Variants in MAML3 observed in about 807,000 individuals in gnomAD.
The protein encoded by MAML3 is mastermind-like protein 3.
In MAML3, 27 loss-of-function variants were observed where a neutral mutation model predicts 101.9. That is an observed-to-expected ratio of 0.27 (90% CI 0.20 to 0.37). The LOEUF is 0.37. Ranked by LOEUF, MAML3 falls within the 10% of genes least tolerant of loss-of-function variation. The pLI, the probability that MAML3 is intolerant of heterozygous loss-of-function variation, is 1.00. For synonymous variants in MAML3, 501 were observed against 555.9 expected (o/e 0.90, Z 1.39); for missense variants, 1,316 against 1,444.9 (o/e 0.91, Z 1.45).
intron 2 of MAML3, among the ~76,000 whole-genome samples, chr4:139,839,973 T>C (rs1731331614): frequency 6.6e-6 from 1 of 152,180 alleles, no homozygotes; most frequent in Non-Finnish European, 1.5e-5. Context: ...GAGCATATAA[T>C]TATTCTGTGT....
intron 1 of MAML3, among the ~76,000 whole-genome samples, chr4:140,119,914 A>G (rs1184745297): frequency 6.6e-6 from 1 of 152,144 alleles, no homozygotes; most frequent in African/African-American, 2.4e-5. Context: ...GAGAGTTCCA[A>G]TCACAATCAA....
At chr4:139,846,877 AG>A (rs1219633394) in intron 2 of MAML3, among the ~76,000 whole-genome samples, 1 of 152,212 alleles carries the variant, frequency 6.6e-6, no homozygotes, top group Non-Finnish European at 1.5e-5. Context: ...TGTTTTCCCC[AG>A]TGAGGCCATG....
intron 1 of MAML3, among the ~76,000 whole-genome samples, chr4:140,021,596 T>TTC (rs1332077793): frequency 6.6e-6 from 1 of 151,738 alleles, no homozygotes; most frequent in African/African-American, 2.4e-5. Context: ...TTTTTTTCCT[T>TTC]ATTTTTAAAA....
chr4:140,028,059 T>C (rs1415446446), intron 1 of MAML3, among the ~76,000 whole-genome samples: 1 of 152,232 alleles, frequency 6.6e-6, no homozygotes, highest in Non-Finnish European at 1.5e-5. Flanking sequence ...AACAAATGTT[T>C]ATGGAATACT....
At chr4:140,063,535 C>T (rs1401755792) in intron 1 of MAML3, among the ~76,000 whole-genome samples, 4 of 152,232 alleles carry the variant, frequency 2.6e-5, no homozygotes, top group African/African-American at 9.6e-5. Context: ...ACCTGGTCCA[C>T]ATTTTGGGTA....
intron 2 of MAML3, among the ~76,000 whole-genome samples, chr4:139,801,403 C>T (rs1730601149): frequency 6.6e-6 from 1 of 152,126 alleles, no homozygotes; most frequent in South Asian, 2.1e-4. Flanking sequence ...GACAAGGAAA[C>T]TTCTGACAGG....
chr4:139,943,042 A>C (rs1733636471), intron 1 of MAML3, among the ~76,000 whole-genome samples: 1 of 152,244 alleles, frequency 6.6e-6, no homozygotes, highest in Non-Finnish European at 1.5e-5. Context: ...GTACGATCAA[A>C]ATTTATTTCA....
At chr4:140,049,670 T>TG (rs1304446818) in intron 1 of MAML3, among the ~76,000 whole-genome samples, 6 of 125,210 alleles carry the variant, frequency 4.8e-5, no homozygotes, top group Non-Finnish European at 7.0e-5. Flanking sequence ...CATGTTGCCT[T>TG]CCTTTTTTTT....
chr4:139,949,013 T>A (rs1733785592), intron 1 of MAML3, among the ~76,000 whole-genome samples: 1 of 152,108 alleles, frequency 6.6e-6, no homozygotes, highest in Non-Finnish European at 1.5e-5. Context: ...GTAGAAATTT[T>A]TTTTTTCTTT....
chr4:139,989,630 AC>A (rs1734620629), intron 1 of MAML3, among the ~76,000 whole-genome samples: 2 of 151,902 alleles, frequency 1.3e-5, no homozygotes, highest in Non-Finnish European at 2.9e-5. Context: ...CACATGCAAC[AC>A]CAAGCCATTG....
At chr4:139,963,105 G>A (rs1260480218) in intron 1 of MAML3, among the ~76,000 whole-genome samples, 1 of 152,154 alleles carries the variant, frequency 6.6e-6, no homozygotes, top group East Asian at 1.9e-4. Flanking sequence ...GAAGAGGTGA[G>A]GCAGGGTTTC....
chr4:139,729,179 A>C (rs888921498), intron 3 of MAML3, among the ~76,000 whole-genome samples: 1 of 116,562 alleles, frequency 8.6e-6, no homozygotes, highest in Admixed American at 8.1e-5. Flanking sequence ...AAAAAAAAAA[A>C]GGGAACATAA....
Position 139,730,504 on chromosome 4 carries a change from G to C in MAML3, c.2243C>G (p.Ala748Gly). ...TTGCTTCTGCTGCTCTATCAACTGG[G>C]CCCGCTGATCAATGAGCATCTGCTT... ...IMKQMLIDQR[A>G]QLIEQQKQQF... is the part of the protein sequence containing the mutation. Residue 748 changes from alanine to glycine, a missense_variant, in exon 3 of 5, where the codon GCC (alanine) becomes GGC (glycine). Coordinates refer to ENST00000509479, the MANE Select transcript of MAML3 (RefSeq NM_018717.5). The C allele has an allele frequency of 6.4e-7, 1 of 1,555,606 alleles. No individual in the cohort carries two copies. Among genetic ancestry groups the C allele is most frequent in the South Asian group, 1.2e-5 (1 of 84,258 alleles).
At chr4:139,833,886 G>A (rs1218239780) in intron 2 of MAML3, among the ~76,000 whole-genome samples, 1 of 152,036 alleles carries the variant, frequency 6.6e-6, no homozygotes, top group Non-Finnish European at 1.5e-5. Context: ...TGAATTAGCA[G>A]AAAGCCTCTT....
At chr4:140,064,622 A>G (rs1266371383) in intron 1 of MAML3, among the ~76,000 whole-genome samples, 2 of 152,188 alleles carry the variant, frequency 1.3e-5, no homozygotes, top group Admixed American at 1.3e-4. Context: ...GCAGATCAAT[A>G]AGGAACAAAA....
Position 139,730,610 on chromosome 4 carries a change from G to A in MAML3, c.2137C>T (p.Pro713Ser). 6.2e-7 allele frequency: 1 copy of A among 1,612,588 alleles called. No homozygotes were observed. Among genetic ancestry groups the A allele is most frequent in the Non-Finnish European group, 8.5e-7 (1 of 1,179,484 alleles). Residue 713 changes from proline (P) to serine (S), a missense_variant, in exon 3 of 5, where the codon CCA (proline) becomes TCA (serine). Physicochemically the swap from Pro to Ser is moderately conservative, Grantham distance 74 (BLOSUM62 -1). Coordinates refer to ENST00000509479, the MANE Select transcript of MAML3 (RefSeq NM_018717.5). ...CCTGAGACCATGCCACCTGAGCCTGGGGGCACGGAGGACTGCATGGGGCCT... is the reference window on the plus strand; with the variant it reads ...CCTGAGACCATGCCACCTGAGCCTGAGGGCACGGAGGACTGCATGGGGCCT... ...TTGPMQSSVP[P>S]GSGGMVSGAS... is the part of the protein sequence containing the mutation.
At chr4:139,729,399 C>T (rs981148345) in intron 3 of MAML3, among the ~76,000 whole-genome samples, 1 of 152,016 alleles carries the variant, frequency 6.6e-6, no homozygotes, top group Non-Finnish European at 1.5e-5. Flanking sequence ...ATGGGAGGAT[C>T]GCTTGAGGCC....
At chr4:140,140,245 A>G (rs879490662) in intron 1 of MAML3, among the ~76,000 whole-genome samples, 2 of 152,156 alleles carry the variant, frequency 1.3e-5, no homozygotes, top group African/African-American at 2.4e-5. Flanking sequence ...AATTGCCTGA[A>G]CCCAGGAGGC....
chr4:139,994,247 T>C (rs917243721), intron 1 of MAML3, among the ~76,000 whole-genome samples: 4 of 152,274 alleles, frequency 2.6e-5, no homozygotes, highest in African/African-American at 9.6e-5. Context: ...CAGTCATATT[T>C]TACAGTTTTC....
Sources: allele counts gnomAD v4.1 joint callset (sites outside exome capture counted in the v4.1 genomes callset), GRCh38; gene constraint gnomAD v4.1.1; transcripts MANE v1.5; gene names NCBI Gene and HGNC (gene_info 2026-07-23, HGNC 2026-07-21).